CNTLN: variants seen among roughly 807,000 people sequenced by gnomAD.
The protein encoded by CNTLN is centlein.
CNTLN carries 212 observed loss-of-function variants against 180.0 expected under a neutral mutation model. The observed-to-expected ratio is 1.18, with a 90% confidence interval of 1.05 to 1.32. The LOEUF (loss-of-function observed/expected upper bound fraction) is 1.32, where lower values mean the gene tolerates loss of function less well. Among genes scored for constraint, CNTLN ranks in the 40% most tolerant of loss-of-function variants. The probability of loss-of-function intolerance (pLI) is 0.00; values close to 1 mark genes in which losing one functional copy is unlikely to be tolerated. For synonymous variants in CNTLN, 722 were observed against 563.1 expected (o/e 1.28, Z -3.99); for missense variants, 2,095 against 1,610.9 (o/e 1.30, Z -5.14).
chr9:17,393,755 C>T (rs1299549942), intron 14 of CNTLN, among the ~76,000 whole-genome samples: 1 of 152,074 alleles, frequency 6.6e-6, no homozygotes, highest in African/African-American at 2.4e-5. Context: ...AAGTCAACTC[C>T]TCCATGAAAT....
At position 17,309,094 on chromosome 9, in the gene CNTLN, A is replaced by C; in HGVS notation, c.1183A>C (p.Lys395Gln). ...GTTACATATTTGTTTTGAAACCACAAAATCAAATGAAGCTATGCTCCGGCA... is the reference window on the plus strand; with the variant it reads ...GTTACATATTTGTTTTGAAACCACACAATCAAATGAAGCTATGCTCCGGCA... ...NELHICFETT[K>Q]SNEAMLRQSV... The change falls in exon 8 of 26, where the codon AAA becomes CAA. Residue 395 changes from lysine to glutamine, a missense_variant. Lys to Gln is a moderately conservative substitution (Grantham distance 53). Transcript: ENST00000380647. The C allele has an allele frequency of 6.3e-7, 1 of 1,595,786 alleles. No individual in the cohort carries two copies.
At chr9:17,312,384 A>ATATATATATATATT (rs1563985021) in intron 8 of CNTLN, among the ~76,000 whole-genome samples, 2 of 108,096 alleles carry the variant, frequency 1.9e-5, no homozygotes, top group African/African-American at 7.1e-5. Context: ...ATATATATAT[A>ATATATATATATATT]ATTTATTTAT....
chr9:17,446,283 C>G (rs1422383683), intron 18 of CNTLN, among the ~76,000 whole-genome samples: 1 of 152,160 alleles, frequency 6.6e-6, no homozygotes, highest in Admixed American at 6.5e-5. Context: ...CTCGTTCCAC[C>G]TTACGAGAAA....
At chr9:17,166,162 A>G (rs1008659590) in intron 2 of CNTLN, among the ~76,000 whole-genome samples, 3 of 152,182 alleles carry the variant, frequency 2.0e-5, no homozygotes, top group African/African-American at 7.2e-5. Context: ...ATATTGTAAG[A>G]CATGTAAGGG....
intron 16 of CNTLN, 102 bp downstream of exon 16, chr9:17,409,575 C>A: frequency 1.2e-6 from 1 of 854,648 alleles, no homozygotes; most frequent in Non-Finnish European, 1.8e-6. Flanking sequence ...AATTTGAATT[C>A]TTACAAGTTA....
At chr9:17,178,382 G>C (rs1174933278) in intron 2 of CNTLN, among the ~76,000 whole-genome samples, 1 of 152,234 alleles carries the variant, frequency 6.6e-6, no homozygotes, top group East Asian at 1.9e-4. Flanking sequence ...CGCAGGTGGA[G>C]CTGCCTGCTA....
At chr9:17,521,102 A>G in the CNTLN span, among the ~76,000 whole-genome samples, 70 of 152,320 alleles carry the variant, frequency 4.6e-4, no homozygotes, top group Middle Eastern at 6.8e-3. Context: ...AAGGCACGAG[A>G]TAATTATCAA....
chr9:17,352,379 C>A (rs1180322559), intron 12 of CNTLN, among the ~76,000 whole-genome samples: 1 of 141,494 alleles, frequency 7.1e-6, no homozygotes, highest in Non-Finnish European at 1.5e-5. Flanking sequence ...TCCCAATCTT[C>A]TCAAGCTAGA....
Position 17,340,872 on chromosome 9 carries a change from G to T in CNTLN, c.1690G>T (p.Glu564Ter). 6.2e-7 allele frequency: 1 copy of T among 1,612,172 alleles called. No homozygotes were observed. Among genetic ancestry groups the T allele is most frequent in the South Asian group, 1.1e-5 (1 of 90,872 alleles). Residue 564 changes from glutamate to a stop codon, truncating the protein, a stop_gained, in exon 11 of 26, where the codon GAA becomes TAA. Transcript: ENST00000380647. LOFTEE classifies it high-confidence loss of function. ...ELRDAHEKRK[E>*]RLQMLQTNYR... ...AAGAGATGCCCATGAAAAACGCAAGGAACGGCTACAGATGTTACAGACCAA... is the reference window on the plus strand; with the variant it reads ...AAGAGATGCCCATGAAAAACGCAAGTAACGGCTACAGATGTTACAGACCAA...
At chr9:17,492,926 C>T (rs1833245801) in intron 25 of CNTLN, among the ~76,000 whole-genome samples, 1 of 152,098 alleles carries the variant, frequency 6.6e-6, no homozygotes, top group African/African-American at 2.4e-5. Context: ...AGTACTGAAA[C>T]ATGCTACAAT....
chr9:17,279,946 G>A (rs1180501667), intron 6 of CNTLN, among the ~76,000 whole-genome samples: 1 of 152,132 alleles, frequency 6.6e-6, no homozygotes, highest in Middle Eastern at 3.2e-3. Context: ...AGAGAGACCT[G>A]AGCTAGTATG....
intron 7 of CNTLN, 100 bp from the exon 8 acceptor site, chr9:17,308,958 T>G: frequency 1.5e-6 from 1 of 659,038 alleles, no homozygotes; most frequent in South Asian, 5.0e-5. Context: ...GAACTGTGTT[T>G]ATACAGTTCA....
intron 2 of CNTLN, among the ~76,000 whole-genome samples, chr9:17,171,677 A>T (rs532624656): frequency 6.6e-6 from 1 of 151,798 alleles, no homozygotes; most frequent in South Asian, 2.1e-4. Flanking sequence ...GTGTGGAGGG[A>T]GGGATGGTGA....
At chr9:17,191,278 T>C (rs1563864600) in intron 2 of CNTLN, among the ~76,000 whole-genome samples, 1 of 152,210 alleles carries the variant, frequency 6.6e-6, no homozygotes, top group Non-Finnish European at 1.5e-5. Context: ...TCACAGCAGT[T>C]GTTAAATACC....
chr9:17,318,652 T>A (rs1379298060), intron 8 of CNTLN, among the ~76,000 whole-genome samples: 1 of 152,184 alleles, frequency 6.6e-6, no homozygotes, highest in Non-Finnish European at 1.5e-5. Flanking sequence ...CTCACAGCTC[T>A]CCTAGCAGTA....
intron 5 of CNTLN, among the ~76,000 whole-genome samples, chr9:17,237,707 C>A (rs571701207): frequency 8.6e-5 from 13 of 151,788 alleles, no homozygotes; most frequent in Middle Eastern, 3.4e-3. Context: ...TGGGTTCAAT[C>A]CTCCAGGAAT....
intron 2 of CNTLN, chr9:17,166,946 G>T (rs1463243202): frequency 2.3e-6 from 1 of 442,684 alleles, no homozygotes; most frequent in Non-Finnish European, 4.6e-6. Flanking sequence ...GATGAAAGAA[G>T]ATTGAGAAGA....
chr9:17,202,479 G>C (rs12348436), intron 2 of CNTLN, among the ~76,000 whole-genome samples: 1 of 152,068 alleles, frequency 6.6e-6, no homozygotes, highest in Non-Finnish European at 1.5e-5. Flanking sequence ...AGGTATCTAA[G>C]AACTTGTTTT....
At chr9:17,158,053 G>A (rs887796536) in intron 2 of CNTLN, among the ~76,000 whole-genome samples, 2 of 152,184 alleles carry the variant, frequency 1.3e-5, no homozygotes, top group Non-Finnish European at 2.9e-5. Context: ...GCTCATTTAT[G>A]TATATGAAAA....
Sources: gnomAD v4.1 joint callset for allele counts (sites outside exome capture counted in the v4.1 genomes callset) on GRCh38, gnomAD v4.1.1 for gene constraint, MANE v1.5 for transcripts, NCBI Gene and HGNC (gene_info 2026-07-23, HGNC 2026-07-21) for gene names.